The following LDAF1 variants were observed in gnomAD, a reference collection of about 807,000 sequenced individuals.
LDAF1 encodes lipid droplet assembly factor 1, also known as PROMETHIN.
A neutral mutation model predicts 13.5 loss-of-function variants in LDAF1; 7 were observed. The observed-to-expected ratio is 0.52, with a 90% CI of 0.29 to 0.97. The LOEUF is 0.97. Among genes scored for constraint, LDAF1 ranks in the 50% least tolerant of loss-of-function variants. The pLI is 0.07. For synonymous variants in LDAF1, 69 were observed against 77.1 expected (o/e 0.89, Z 0.55); for missense variants, 148 against 193.2 (o/e 0.77, Z 1.39).
At chr16:21,171,270 C>T (rs2093085962) in intron 3 of LDAF1, among the ~76,000 whole-genome samples, 1 of 152,200 alleles carries the variant, frequency 6.6e-6, no homozygotes, top group African/African-American at 2.4e-5. Flanking sequence ...CTCACTTTGA[C>T]TTTTCAAATC....
At chr16:21,163,810 C>G (rs997860570) in intron 2 of LDAF1, among the ~76,000 whole-genome samples, 5 of 152,182 alleles carry the variant, frequency 3.3e-5, no homozygotes, top group Admixed American at 3.3e-4. Context: ...GGCATTCACC[C>G]TGGCCCTGTC....
chr16:21,170,076 C>T (rs1597550784), intron 2 of LDAF1, among the ~76,000 whole-genome samples: 1 of 152,090 alleles, frequency 6.6e-6, no homozygotes, highest in Admixed American at 6.5e-5. Flanking sequence ...AACCTTGGCT[C>T]ACTGCAACCT....
rs947479909 is a variant in LDAF1 at position 21,160,697 on chromosome 16, CT to C, written c.-98-381del. Among the ~76,000 whole-genome samples the C allele has an allele frequency of 3.9e-5, 6 of 152,122 alleles. No individual in the cohort carries two copies. In the East Asian group the frequency reaches 9.6e-4, roughly 24 times the overall value. ...GATAATACTATTAACATTTTATCAT[CT>C]TTTTTTAAAAGTATCATACACATCT... On this transcript the variant is annotated intron_variant, in intron 1 of 4. Transcript: ENST00000233047.
chr16:21,173,366 C>A (rs1377832280), intron 3 of LDAF1: 1 of 152,408 alleles, frequency 6.6e-6, no homozygotes, highest in Non-Finnish European at 1.5e-5. Context: ...CTTTGGAAGT[C>A]CATCTCTGAC....
chr16:21,168,571 AAT>A (rs1055367976), intron 2 of LDAF1, among the ~76,000 whole-genome samples: 3 of 144,066 alleles, frequency 2.1e-5, no homozygotes, highest in African/African-American at 7.6e-5. Flanking sequence ...TACATATATA[AAT>A]ATAATATATT....
intron 3 of LDAF1, among the ~76,000 whole-genome samples, chr16:21,171,865 G>A (rs12102279): frequency 0.12 from 18,274 of 151,744 alleles, 1,474 homozygotes; most frequent in South Asian, 0.32. Context: ...AGCCTCCCAA[G>A]TAGTTGGGAT....
At chr16:21,163,440 T>A (rs1163979225) in intron 2 of LDAF1, among the ~76,000 whole-genome samples, 2 of 152,056 alleles carry the variant, frequency 1.3e-5, no homozygotes, top group African/African-American at 4.8e-5. Context: ...GAGCCAGAAG[T>A]TCAAGACCAG....
intron 2 of LDAF1, 42 bp downstream of exon 2, chr16:21,161,320 A>G (rs1451175366): frequency 1.2e-6 from 2 of 1,601,330 alleles, no homozygotes; most frequent in Admixed American, 1.7e-5. Context: ...ATCCCAATAT[A>G]ACACTAGCAT....
At chr16:21,161,389 A>C in intron 2 of LDAF1, 111 bp downstream of exon 2, 1 of 1,345,296 alleles carries the variant, frequency 7.4e-7, no homozygotes, top group Non-Finnish European at 1.0e-6. Context: ...TAAGTCAAGA[A>C]TCTTTCTGGC....
intron 4 of LDAF1, chr16:21,178,551 CT>C: frequency 4.2e-6 from 1 of 235,460 alleles, no homozygotes. Context: ...TACCAGGCAC[CT>C]TTTGCCTTCC....
chr16:21,179,734 G>T lies in LDAF1; in HGVS notation c.*178G>T. The T allele has an allele frequency of 1.7e-6, 1 of 571,572 alleles. No individual in the cohort carries two copies. The allele number at this position is 571,572 out of a possible 1,614,324, so 35.4% of individuals were successfully genotyped here. On this transcript the variant is annotated 3_prime_UTR_variant, in exon 5 of 5. Coordinates refer to ENST00000233047, the MANE Select transcript of LDAF1 (RefSeq NM_001301771.2). ...AATTTAGGGATTGTGTTGTTCTTGT[G>T]TTGGTTCCCATGTAAAGAAGCAGCA...
At chr16:21,179,115 T>A (rs2093162754) in intron 4 of LDAF1, among the ~76,000 whole-genome samples, 1 of 152,220 alleles carries the variant, frequency 6.6e-6, no homozygotes, top group Admixed American at 6.5e-5. Context: ...CTGTGTGGTC[T>A]TGAACGGGCT....
intron 1 of LDAF1, chr16:21,159,514 G>T: frequency 7.3e-7 from 1 of 1,378,830 alleles, no homozygotes; most frequent in Non-Finnish European, 1.0e-6. Flanking sequence ...GGAGGTTCGG[G>T]GGTGGGAGGG....
chr16:21,162,621 G>A (rs1179557298), intron 2 of LDAF1, among the ~76,000 whole-genome samples: 1 of 152,042 alleles, frequency 6.6e-6, no homozygotes, highest in Non-Finnish European at 1.5e-5. Flanking sequence ...TAGCACAGCG[G>A]GTCTACTCGA....
Position 21,175,351 on chromosome 16 carries a change from G to C in LDAF1, c.404+1203G>C, listed in dbSNP as rs2093129770. Among the ~76,000 whole-genome samples the C allele has an allele frequency of 1.3e-5, 2 of 152,164 alleles. 1 individual carries two copies. The highest frequency in any genetic ancestry group is 4.1e-4 in the South Asian group (2 of 4,832). On this transcript the variant is annotated intron_variant, in intron 4 of 4. Coordinates refer to ENST00000233047, the MANE Select transcript of LDAF1 (RefSeq NM_001301771.2). The stretch of plus-strand genomic sequence containing the variant: ...AATTAAGCCAAGTCCCTTAAGCTGA[G>C]AGTAGCACAGAAGGGACTTAATTCC...
chr16:21,168,859 TTTATA>T (rs1158916025), intron 2 of LDAF1, among the ~76,000 whole-genome samples: 1 of 134,330 alleles, frequency 7.4e-6, no homozygotes, highest in Non-Finnish European at 1.5e-5. Flanking sequence ...ATTTTTATAT[TTTATA>T]TTTATAATTA....
At chr16:21,171,594 G>C (rs532963968) in intron 3 of LDAF1, among the ~76,000 whole-genome samples, 1 of 152,214 alleles carries the variant, frequency 6.6e-6, no homozygotes, top group African/African-American at 2.4e-5. Flanking sequence ...ACATTTTGGT[G>C]GTACCATGCA....
chr16:21,159,113 G>C (rs1007135457), intron 1 of LDAF1, among the ~76,000 whole-genome samples: 2 of 151,784 alleles, frequency 1.3e-5, no homozygotes, highest in African/African-American at 4.8e-5. Context: ...AAGACGTCGA[G>C]GCAAACCTCC....
At chr16:21,169,748 G>T (rs544427616) in intron 2 of LDAF1, among the ~76,000 whole-genome samples, 1 of 152,110 alleles carries the variant, frequency 6.6e-6, no homozygotes, top group Non-Finnish European at 1.5e-5. Context: ...CCTTTATGCC[G>T]AAGAGGTCTT....
Sources: gnomAD v4.1 joint callset for allele counts (sites outside exome capture counted in the v4.1 genomes callset) on GRCh38, gnomAD v4.1.1 for gene constraint, MANE v1.5 for transcripts, NCBI Gene and HGNC (gene_info 2026-07-23, HGNC 2026-07-21) for gene names.